DLG2: variants seen among roughly 807,000 people sequenced by gnomAD.
DLG2 encodes the protein disks large homolog 2.
DLG2 carries 45 observed loss-of-function variants against 132.5 expected under a neutral mutation model. The ratio of observed to expected loss-of-function variants is 0.34; its 90% CI spans 0.27 to 0.44. DLG2 has a LOEUF of 0.44. Among genes scored for constraint, DLG2 ranks in the 20% least tolerant of loss-of-function variants. The pLI, the probability that DLG2 is intolerant of heterozygous loss-of-function variation, is 1.00. For synonymous variants in DLG2, 424 were observed against 419.6 expected, an observed-to-expected ratio of 1.01 and a Z score of -0.13; for missense variants, 1,045 against 1,196.9, an observed-to-expected ratio of 0.87 and a Z score of 1.87.
At chr11:85,047,752 A>AG in intron 6 of DLG2, among the ~76,000 whole-genome samples, 1 of 152,088 alleles carries the variant, frequency 6.6e-6, no homozygotes, top group East Asian at 1.9e-4. Context: ...AAATTCAAGT[A>AG]GGAAAAAAAC....
intron 3 of DLG2, among the ~76,000 whole-genome samples, chr11:85,570,181 A>G (rs1403256752): frequency 6.6e-6 from 1 of 152,184 alleles, no homozygotes; most frequent in Non-Finnish European, 1.5e-5. Flanking sequence ...TGTAAGCTTG[A>G]TAGTTTTCCT....
chr11:85,579,246 G>A lies in DLG2; in HGVS notation c.40+19411C>T, dbSNP rs537413870. ...GGAGCCTTTCGAAGGGTGAAGGGTAGGAGGAGGGAGAGAATAAGGAAAAAT... is the reference window on the plus strand; with the variant it reads ...GGAGCCTTTCGAAGGGTGAAGGGTAAGAGGAGGGAGAGAATAAGGAAAAAT... On this transcript the variant is annotated intron_variant, in intron 3 of 27. Coordinates refer to ENST00000376104, the MANE Select transcript of DLG2 (RefSeq NM_001142699.3). 2.0e-5 allele frequency among the ~76,000 whole-genome samples: 3 copies of A among 152,252 alleles called. No individual in the cohort carries two copies. In the East Asian group the frequency reaches 5.8e-4, roughly 29 times the overall value.
chr11:83,586,137 C>A (rs1053821679), intron 19 of DLG2, among the ~76,000 whole-genome samples: 2 of 152,188 alleles, frequency 1.3e-5, no homozygotes, highest in Admixed American at 6.5e-5. Context: ...GCTAGAGAAT[C>A]TGGATGGATG....
At chr11:84,631,857 T>C (rs2099632717) in intron 6 of DLG2, among the ~76,000 whole-genome samples, 1 of 152,204 alleles carries the variant, frequency 6.6e-6, no homozygotes, top group Non-Finnish European at 1.5e-5. Context: ...TCTTCTTAGC[T>C]GTATAACTTT....
chr11:85,020,861 A>C (rs1371262736), intron 6 of DLG2: 4 of 759,230 alleles, frequency 5.3e-6, no homozygotes, highest in Non-Finnish European at 9.8e-6. Flanking sequence ...CATTGTCATC[A>C]TCCAGTAGGT....
At chr11:83,918,011 C>A (rs1313471838) in intron 15 of DLG2, among the ~76,000 whole-genome samples, 1 of 152,076 alleles carries the variant, frequency 6.6e-6, no homozygotes, top group Non-Finnish European at 1.5e-5. Context: ...TGATTTTGAA[C>A]CTACCAAGCA....
At chr11:83,855,581 A>G (rs1212601989) in intron 16 of DLG2, among the ~76,000 whole-genome samples, 1 of 152,234 alleles carries the variant, frequency 6.6e-6, no homozygotes, top group Non-Finnish European at 1.5e-5. Flanking sequence ...AAGGCTACAT[A>G]CTGTATTATT....
intron 7 of DLG2, among the ~76,000 whole-genome samples, chr11:84,502,494 C>T (rs2099223059): frequency 6.7e-6 from 1 of 149,966 alleles, no homozygotes; most frequent in South Asian, 2.1e-4. Flanking sequence ...CTCCCAGGTA[C>T]AAGCGATTCT....
chr11:84,712,691 G>T (rs951031917), intron 6 of DLG2, among the ~76,000 whole-genome samples: 1 of 152,006 alleles, frequency 6.6e-6, no homozygotes, highest in African/African-American at 2.4e-5. Context: ...TTATTTTATA[G>T]TTACCACATA....
At position 84,529,226 on chromosome 11, in the gene DLG2, A is replaced by G. The variant is rs184042063; in HGVS notation, c.519+5344T>C. 8.5e-5 allele frequency among the ~76,000 whole-genome samples: 13 copies of G among 152,270 alleles called. No homozygotes were observed. In the East Asian group the frequency reaches 2.3e-3, roughly 27 times the overall value. ...AAAGTTGGAAGCATTCCCCTTGAAA[A>G]CCAGAACAAGACAAGGATGCCCTCT... On this transcript the variant is annotated intron_variant, in intron 7 of 27. Coordinates refer to ENST00000376104, the MANE Select transcript of DLG2 (RefSeq NM_001142699.3).
In DLG2 at chr11:85,360,726, G is replaced by T. The variant is rs531941893; in HGVS notation, c.41-75361C>A. Reference sequence around the variant, plus strand: ...GCTCACACTTTCAACTTTACTGGAAGTGTCCTCCCCTTCTCCCAAGCTAAG... The same window carrying T: ...GCTCACACTTTCAACTTTACTGGAATTGTCCTCCCCTTCTCCCAAGCTAAG... On this transcript the variant is annotated intron_variant, in intron 3 of 27. Coordinates refer to ENST00000376104, the MANE Select transcript of DLG2 (RefSeq NM_001142699.3). Among the ~76,000 whole-genome samples, 24 of 152,232 alleles carry T rather than the reference G, an allele frequency of 1.6e-4. No individual in the cohort carries two copies. In the South Asian group the frequency reaches 4.1e-3, roughly 26 times the overall value.
Position 84,278,773 on chromosome 11 carries a change from C to A in DLG2, c.520-27482G>T, listed in dbSNP as rs2097817237. On this transcript the variant is annotated intron_variant, in intron 7 of 27. Coordinates refer to ENST00000376104, the MANE Select transcript of DLG2 (RefSeq NM_001142699.3). ...TTGAACACCTCGTTAACTATTTTCA[C>A]AAATTGTAATTATGAAATAGTAAAC... Among the ~76,000 whole-genome samples, 4 of 151,032 alleles carry A rather than the reference C, an allele frequency of 2.6e-5. No individual in the cohort carries two copies. The South Asian group carries it at 8.4e-4, about 32-fold the overall frequency.
intron 19 of DLG2, among the ~76,000 whole-genome samples, chr11:83,599,414 T>C (rs1325829083): frequency 1.3e-5 from 2 of 152,090 alleles, no homozygotes; most frequent in African/African-American, 4.8e-5. Flanking sequence ...GGAAAACTGT[T>C]ACGTCTGATT....
At chr11:85,153,061 T>C (rs1594881240) in intron 5 of DLG2, among the ~76,000 whole-genome samples, 1 of 152,340 alleles carries the variant, frequency 6.6e-6, no homozygotes. Flanking sequence ...AATCCTTTCA[T>C]ATATAACTAT....
chr11:83,544,555 C>G (rs2096184807), intron 19 of DLG2, among the ~76,000 whole-genome samples: 1 of 152,040 alleles, frequency 6.6e-6, no homozygotes, highest in African/African-American at 2.4e-5. Context: ...TCTCCAGATC[C>G]AAGTCTAGTT....
chr11:85,002,065 T>A (rs2058267554), intron 6 of DLG2, among the ~76,000 whole-genome samples: 1 of 152,170 alleles, frequency 6.6e-6, no homozygotes, highest in Non-Finnish European at 1.5e-5. Flanking sequence ...TTTATTAAGG[T>A]GATTCCAATA....
At chr11:84,207,336 T>C (rs10792733) in intron 8 of DLG2, among the ~76,000 whole-genome samples, 131,103 of 151,590 alleles carry the variant, frequency 0.86, 56,860 homozygotes, top group Middle Eastern at 0.93. Context: ...AGATAGCCAA[T>C]ACAATCTTGA....
chr11:83,683,810 T>C (rs574405964), intron 18 of DLG2, among the ~76,000 whole-genome samples: 1 of 152,198 alleles, frequency 6.6e-6, no homozygotes, highest in East Asian at 1.9e-4. Context: ...TCTTCTAACC[T>C]GCCAGTCAGT....
intron 2 of DLG2, among the ~76,000 whole-genome samples, chr11:85,606,531 T>C (rs558716799): frequency 1.3e-5 from 2 of 152,166 alleles, no homozygotes; most frequent in East Asian, 3.9e-4. Context: ...ACCAAGCAGC[T>C]CTCTGTAAAA....
Sources: allele counts gnomAD v4.1 joint callset (sites outside exome capture counted in the v4.1 genomes callset), GRCh38; gene constraint gnomAD v4.1.1; transcripts MANE v1.5; gene names NCBI Gene and HGNC (gene_info 2026-07-23, HGNC 2026-07-21).